Variants in NCKAP5 observed in about 807,000 individuals in gnomAD.
NCKAP5 encodes the protein NCK associated protein 5.
In NCKAP5, 92 loss-of-function variants were observed where a neutral mutation model predicts 167.0. The ratio of observed to expected loss-of-function variants is 0.55; its 90% CI spans 0.47 to 0.66. NCKAP5 has a LOEUF of 0.66. NCKAP5 is among the 30% of genes least tolerant of loss of function. The pLI is 0.00. For missense variants in NCKAP5, 2,378 were observed against 2,315.0 expected (o/e 1.03, Z -0.56); for synonymous variants, 891 against 877.4 (o/e 1.02, Z -0.27).
At chr2:132,983,992 CACA>C (rs1192669096) in intron 7 of NCKAP5, among the ~76,000 whole-genome samples, 67 of 152,276 alleles carry the variant, frequency 4.4e-4, no homozygotes, top group African/African-American at 1.3e-3. Context: ...CATGGTGGCT[CACA>C]CCTGGAATCC....
At chr2:133,657,344 C>T in the NCKAP5 span, among the ~76,000 whole-genome samples, 1 of 152,178 alleles carries the variant, frequency 6.6e-6, no homozygotes. Flanking sequence ...GTGTTCAAAC[C>T]ATTGAAACTC....
At chr2:132,769,921 C>T (rs762773874) in intron 16 of NCKAP5, among the ~76,000 whole-genome samples, 11 of 152,200 alleles carry the variant, frequency 7.2e-5, no homozygotes, top group Admixed American at 2.6e-4. Flanking sequence ...ATGGTAATCA[C>T]GGCCAAGTAA....
At chr2:132,999,022 A>T (rs1306529916) in intron 6 of NCKAP5, among the ~76,000 whole-genome samples, 1 of 152,220 alleles carries the variant, frequency 6.6e-6, no homozygotes, top group Non-Finnish European at 1.5e-5. Flanking sequence ...ATAGAAACCA[A>T]AATTATACTT....
At chr2:132,716,338 C>T (rs114772806) in intron 19 of NCKAP5, among the ~76,000 whole-genome samples, 3,747 of 152,248 alleles carry the variant, frequency 0.025, 152 homozygotes, top group African/African-American at 0.085. Flanking sequence ...AGGAGACACA[C>T]AAATTTTCAC....
chr2:133,612,807 G>T, the NCKAP5 span, among the ~76,000 whole-genome samples: 1 of 152,192 alleles, frequency 6.6e-6, no homozygotes, highest in South Asian at 2.1e-4. Context: ...TTGTCAACCT[G>T]ACCTTTAAGA....
chr2:133,254,985 C>A (rs924218455), intron 4 of NCKAP5, among the ~76,000 whole-genome samples: 8 of 151,936 alleles, frequency 5.3e-5, no homozygotes, highest in South Asian at 2.1e-4. Context: ...CAACTTCTGA[C>A]CTAATCATTA....
At chr2:133,006,625 T>C in intron 6 of NCKAP5, among the ~76,000 whole-genome samples, 1 of 57,412 alleles carries the variant, frequency 1.7e-5, no homozygotes, top group African/African-American at 7.5e-5. Flanking sequence ...TATTTTATTT[T>C]ATTTTTTTTT....
chr2:133,533,680 G>T (rs1685536304), intron 2 of NCKAP5, among the ~76,000 whole-genome samples: 1 of 152,106 alleles, frequency 6.6e-6, no homozygotes. Context: ...TCAAAATGTG[G>T]AAGCAATTAT....
At chr2:133,420,145 T>A (rs984765477) in intron 3 of NCKAP5, among the ~76,000 whole-genome samples, 1 of 152,234 alleles carries the variant, frequency 6.6e-6, no homozygotes, top group Non-Finnish European at 1.5e-5. Context: ...GATAGACACA[T>A]TTGTCCACCC....
rs142403755 is a variant in NCKAP5, at chr2:133,280,639, A to T, written c.143+22398T>A. Among the ~76,000 whole-genome samples, 1,027 of 152,258 alleles carry T rather than the reference A, an allele frequency of 6.7e-3. 12 individuals are homozygous for T. The highest frequency in any genetic ancestry group is 0.02 in the Middle Eastern group (6 of 294). The stretch of plus-strand genomic sequence containing the variant: ...TGACTTAGATCCTTCTTATTTACTT[A>T]TTTAGGAGTTAGTACATCAAGGTTG... On this transcript the variant is annotated intron_variant, in intron 4 of 19. Transcript: ENST00000409261.
At chr2:132,744,156 C>A (rs978959557) in intron 16 of NCKAP5, among the ~76,000 whole-genome samples, 2 of 151,626 alleles carry the variant, frequency 1.3e-5, no homozygotes, top group African/African-American at 4.8e-5. Flanking sequence ...CATAGAAGAT[C>A]TGAACAATAT....
At chr2:132,849,207 G>A (rs1688897906) in intron 11 of NCKAP5, among the ~76,000 whole-genome samples, 1 of 150,892 alleles carries the variant, frequency 6.6e-6, no homozygotes, top group African/African-American at 2.5e-5. Context: ...GTCTTTCTCA[G>A]ATACTCAAAG....
At chr2:133,538,954 T>A (rs1553437636) in intron 2 of NCKAP5, among the ~76,000 whole-genome samples, 32,297 of 134,580 alleles carry the variant, frequency 0.24, 2,667 homozygotes, top group East Asian at 0.33. Flanking sequence ...TTTTTTTTTT[T>A]TTTTGAGACG....
chr2:133,433,833 C>T (rs1047338577), intron 3 of NCKAP5: 3 of 152,070 alleles, frequency 2.0e-5, no homozygotes, highest in Admixed American at 2.0e-4. Flanking sequence ...TCTCAGGAAC[C>T]CAAGTCTTAA....
At chr2:133,426,141 G>A (rs746677691) in intron 3 of NCKAP5, among the ~76,000 whole-genome samples, 18 of 152,022 alleles carry the variant, frequency 1.2e-4, no homozygotes, top group East Asian at 3.9e-4. Flanking sequence ...GTGGTGGTGC[G>A]TGCCTGTAAT....
Position 133,096,830 on chromosome 2 carries a change from T to A in NCKAP5, c.341+33148A>T, listed in dbSNP as rs765299707. On this transcript the variant is annotated intron_variant, in intron 6 of 19. Transcript: ENST00000409261. ...ACACTTCACTCCGCAGATAATAGTG[T>A]TATCTATCCAGGTGCCAATATTGTG... 3.0e-4 allele frequency among the ~76,000 whole-genome samples: 46 copies of A among 152,164 alleles called. 1 individual carries two copies. The highest frequency in any genetic ancestry group is 6.5e-5 in the Admixed American group (1 of 15,270).
chr2:133,165,399 C>A (rs896603985), intron 5 of NCKAP5, among the ~76,000 whole-genome samples: 3 of 152,096 alleles, frequency 2.0e-5, no homozygotes, highest in Non-Finnish European at 4.4e-5. Flanking sequence ...TTAAGAAAAT[C>A]TTTTAAAAGT....
At chr2:133,557,869 G>A (rs1383655483) in intron 2 of NCKAP5, among the ~76,000 whole-genome samples, 1 of 152,194 alleles carries the variant, frequency 6.6e-6, no homozygotes, top group African/African-American at 2.4e-5. Context: ...GCCCAGCCCT[G>A]AGCCCACTGC....
chr2:133,480,290 C>T (rs1157046464), intron 3 of NCKAP5, among the ~76,000 whole-genome samples: 1 of 152,090 alleles, frequency 6.6e-6, no homozygotes, highest in East Asian at 1.9e-4. Context: ...AAATGAGAGA[C>T]TGAGTGGATA....
Sources: gnomAD v4.1 joint callset for allele counts (sites outside exome capture counted in the v4.1 genomes callset) on GRCh38, gnomAD v4.1.1 for gene constraint, MANE v1.5 for transcripts, NCBI Gene and HGNC (gene_info 2026-07-23, HGNC 2026-07-21) for gene names.